The following DNAH6 variants were observed in gnomAD, a reference collection of about 807,000 sequenced individuals.
DNAH6 encodes axonemal beta dynein heavy chain 6.
DNAH6 carries 340 observed loss-of-function variants against 491.4 expected under a neutral mutation model. The observed-to-expected ratio is 0.69, with a 90% CI of 0.63 to 0.76. The LOEUF (loss-of-function observed/expected upper bound fraction) is 0.76. Ranked by LOEUF, DNAH6 falls within the 30% of genes least tolerant of loss-of-function variation. The pLI, the probability that DNAH6 is intolerant of heterozygous loss-of-function variation, is 0.00. For synonymous variants in DNAH6, 1,603 were observed against 1,686.1 expected (o/e 0.95, Z 1.21); for missense variants, 4,443 against 4,972.2 (o/e 0.89, Z 3.20).
chr2:84,460,103 A>G, the DNAH6 span: 1 of 152,222 alleles, frequency 6.6e-6, no homozygotes, highest in Admixed American at 6.5e-5. Flanking sequence ...CAAGAGATGA[A>G]GTAATCTGCG....
intron 69 of DNAH6, among the ~76,000 whole-genome samples, chr2:84,797,138 A>G (rs1020117480): frequency 6.6e-6 from 1 of 152,226 alleles, no homozygotes; most frequent in Non-Finnish European, 1.5e-5. Context: ...AGTTTGGGCA[A>G]TTAGAGAGGG....
intron 42 of DNAH6, among the ~76,000 whole-genome samples, chr2:84,682,746 TC>T (rs1344699682): frequency 2.6e-5 from 4 of 152,118 alleles, no homozygotes; most frequent in African/African-American, 9.7e-5. Context: ...ATATCCCGAA[TC>T]TAACCACTCC....
intron 62 of DNAH6, among the ~76,000 whole-genome samples, chr2:84,743,209 A>G (rs1405515431): frequency 1.3e-5 from 2 of 152,200 alleles, no homozygotes; most frequent in Non-Finnish European, 2.9e-5. Flanking sequence ...AAGCAAAGTA[A>G]TTATAGGGAC....
the DNAH6 span, among the ~76,000 whole-genome samples, chr2:84,488,592 A>G: frequency 6.6e-6 from 1 of 151,860 alleles, no homozygotes; most frequent in East Asian, 1.9e-4. Flanking sequence ...TCCAACCTCT[A>G]CTTCCGCCGT....
chr2:84,493,903 G>T, the DNAH6 span, among the ~76,000 whole-genome samples: 1 of 152,186 alleles, frequency 6.6e-6, no homozygotes, highest in Non-Finnish European at 1.5e-5. Flanking sequence ...TGAAGAGACT[G>T]TGACAACAAG....
In DNAH6 at chr2:84,624,560, G is replaced by A. The variant is rs1374556916; in HGVS notation, c.4293G>A (p.Gln1431=). 6.4e-7 allele frequency: 1 copy of A among 1,551,474 alleles called. No individual in the cohort carries two copies. The highest frequency in any genetic ancestry group is 1.4e-5 in the African/African-American group (1 of 73,020). The change falls in exon 28 of 77, where the codon CAG becomes CAA. Residue 1431 remains glutamine (Q), a synonymous_variant. Transcript: ENST00000389394. Reference sequence around the variant, plus strand: ...GTGTGGCTAGAATGGCGCTCTCTCAGTACACTTATGGCTATGAATATTTGG... The same window carrying A: ...GTGTGGCTAGAATGGCGCTCTCTCAATACACTTATGGCTATGAATATTTGG... The part of the protein sequence containing the change: ...DNCVARMALS[Q]YTYGYEYLGA...
Position 84,544,415 on chromosome 2 carries a change from TTAG to T in DNAH6, c.847_849del (p.Ser283del). 1 of 1,542,696 alleles carries T rather than the reference TTAG, an allele frequency of 6.5e-7. No homozygotes were observed. Among genetic ancestry groups the T allele is most frequent in the Non-Finnish European group, 8.8e-7 (1 of 1,138,954 alleles). On this transcript the variant is annotated inframe_deletion, in exon 5 of 77. Coordinates refer to ENST00000389394, the MANE Select transcript of DNAH6 (RefSeq NM_001370.2). ...TCACTGTTCCGGAAATGGAAGGCTT[TTAG>T]TGTATGGAGGAAGAATGTCCGCTCC...
chr2:84,624,004 A>G (rs757882449), intron 26 of DNAH6, among the ~76,000 whole-genome samples: 1 of 152,114 alleles, frequency 6.6e-6, no homozygotes, highest in Non-Finnish European at 1.5e-5. Context: ...CTGCTTCATA[A>G]CTCTGTGACT....
intron 11 of DNAH6, among the ~76,000 whole-genome samples, chr2:84,572,473 C>T (rs571718686): frequency 1.1e-3 from 170 of 151,958 alleles, no homozygotes; most frequent in Admixed American, 2.3e-3. Context: ...CTATTTAGTC[C>T]GTTCAAAGGA....
At chr2:84,481,840 CT>C in the DNAH6 span, among the ~76,000 whole-genome samples, 25 of 152,238 alleles carry the variant, frequency 1.6e-4, no homozygotes, top group Non-Finnish European at 1.5e-5. Context: ...CTGAGCAACA[CT>C]TTCCTACTGA....
intron 70 of DNAH6, among the ~76,000 whole-genome samples, chr2:84,804,659 A>G (rs1679246720): frequency 6.6e-6 from 1 of 152,134 alleles, no homozygotes. Context: ...CTGTGTTCTC[A>G]TGATTTTTCC....
intron 22 of DNAH6, among the ~76,000 whole-genome samples, chr2:84,615,189 T>C (rs562532875): frequency 1.3e-4 from 20 of 152,294 alleles, no homozygotes; most frequent in African/African-American, 4.8e-4. Flanking sequence ...ATTTAAGTCT[T>C]TGATCTATCT....
intron 4 of DNAH6, among the ~76,000 whole-genome samples, chr2:84,539,182 A>G (rs1573544572): frequency 6.6e-6 from 1 of 152,142 alleles, no homozygotes; most frequent in East Asian, 1.9e-4. Flanking sequence ...TGGAATAATC[A>G]AAAACCCTCC....
chr2:84,528,406 G>C (rs1676807681), intron 3 of DNAH6, among the ~76,000 whole-genome samples: 1 of 152,166 alleles, frequency 6.6e-6, no homozygotes. Context: ...ATCGCATAGT[G>C]ATTCCCAACA....
intron 29 of DNAH6, among the ~76,000 whole-genome samples, chr2:84,626,948 G>A (rs1025412359): frequency 1.3e-5 from 2 of 152,126 alleles, no homozygotes; most frequent in Non-Finnish European, 2.9e-5. Flanking sequence ...TGAATCACCC[G>A]GAGATATTTA....
intron 72 of DNAH6, 39 bp downstream of exon 72, chr2:84,808,581 A>G (rs1236765482): frequency 1.3e-6 from 2 of 1,545,210 alleles, no homozygotes; most frequent in Admixed American, 2.0e-5. Flanking sequence ...TTGAGCATCA[A>G]AGCTTTGTAG....
intron 59 of DNAH6, among the ~76,000 whole-genome samples, chr2:84,719,934 T>C (rs1220744381): frequency 6.6e-6 from 1 of 151,824 alleles, no homozygotes; most frequent in Non-Finnish European, 1.5e-5. Context: ...CTTCCCATCC[T>C]CTGGCCTCCC....
rs1368257192 is a variant in DNAH6 at position 84,774,254 on chromosome 2, A to G, written c.10704-7239A>G. Among the ~76,000 whole-genome samples the G allele has an allele frequency of 7.2e-5, 11 of 152,114 alleles. No individual in the cohort carries two copies. In the East Asian group the frequency reaches 2.1e-3, roughly 29 times the overall value. On this transcript the variant is annotated intron_variant, in intron 64 of 76. Coordinates refer to ENST00000389394, the MANE Select transcript of DNAH6 (RefSeq NM_001370.2). ...TTAATTTTGGTATATAGTGAAACATAAGAGTCCAGTTTCATTCTTCTGCAT... is the reference window on the plus strand; with the variant it reads ...TTAATTTTGGTATATAGTGAAACATGAGAGTCCAGTTTCATTCTTCTGCAT...
At chr2:84,532,073 C>T (rs772716277) in intron 4 of DNAH6, among the ~76,000 whole-genome samples, 10 of 152,122 alleles carry the variant, frequency 6.6e-5, no homozygotes, top group African/African-American at 1.7e-4. Flanking sequence ...TTGTGATGCT[C>T]ATTTTCCACT....
Sources: allele counts gnomAD v4.1 joint callset (sites outside exome capture counted in the v4.1 genomes callset), GRCh38; gene constraint gnomAD v4.1.1; transcripts MANE v1.5; gene names NCBI Gene and HGNC (gene_info 2026-07-23, HGNC 2026-07-21).